The following ADAMTSL1 variants were observed in gnomAD, a reference collection of about 807,000 sequenced individuals.
ADAMTSL1 encodes ADAMTS like 1, also known as ADAMTS-like protein 1.
In ADAMTSL1, 126 loss-of-function variants were observed where a neutral mutation model predicts 201.8. The ratio of observed to expected loss-of-function variants is 0.62; its 90% confidence interval spans 0.54 to 0.72. The LOEUF is 0.72. Among genes scored for constraint, ADAMTSL1 ranks in the 30% least tolerant of loss-of-function variants. The pLI, the probability that ADAMTSL1 is intolerant of heterozygous loss-of-function variation, is 0.00. For synonymous variants in ADAMTSL1, 1,121 were observed against 903.4 expected (o/e 1.24, Z -4.32); for missense variants, 2,679 against 2,277.8 (o/e 1.18, Z -3.59).
At chr9:18,462,838 C>T (rs1398420600) in intron 2 of ADAMTSL1, among the ~76,000 whole-genome samples, 1 of 151,960 alleles carries the variant, frequency 6.6e-6, no homozygotes, top group Admixed American at 6.6e-5. Context: ...ACTCGGGAGG[C>T]TGAGGCAGGA....
At chr9:18,178,351 T>C (rs1457180357) in intron 2 of ADAMTSL1, among the ~76,000 whole-genome samples, 1 of 152,138 alleles carries the variant, frequency 6.6e-6, no homozygotes, top group Non-Finnish European at 1.5e-5. Context: ...GGAGATTATA[T>C]CCTGCACCTG....
intron 7 of ADAMTSL1, among the ~76,000 whole-genome samples, chr9:18,647,676 T>C (rs1416534943): frequency 6.6e-6 from 1 of 151,202 alleles, no homozygotes; most frequent in Non-Finnish European, 1.5e-5. Context: ...GGTTGTTCAG[T>C]TTCCATGTAG....
intron 1 of ADAMTSL1, among the ~76,000 whole-genome samples, chr9:18,495,965 T>A (rs1031584655): frequency 2.6e-5 from 4 of 152,228 alleles, no homozygotes; most frequent in Admixed American, 6.5e-5. Context: ...TTTCCAGGCA[T>A]TTCATCATTG....
At chr9:18,020,742 C>G (rs1351372406) in intron 1 of ADAMTSL1, among the ~76,000 whole-genome samples, 1 of 152,062 alleles carries the variant, frequency 6.6e-6, no homozygotes, top group East Asian at 1.9e-4. Flanking sequence ...GAACAGGCAT[C>G]AACTGACATA....
chr9:18,446,129 C>T (rs1820183164), intron 2 of ADAMTSL1, among the ~76,000 whole-genome samples: 1 of 152,080 alleles, frequency 6.6e-6, no homozygotes, highest in Non-Finnish European at 1.5e-5. Context: ...GTGCGATTAC[C>T]TCTAGCAGAA....
chr9:17,960,965 A>G (rs185725186), intron 1 of ADAMTSL1, among the ~76,000 whole-genome samples: 3 of 152,298 alleles, frequency 2.0e-5, no homozygotes, highest in Non-Finnish European at 2.9e-5. Flanking sequence ...TGCTAAGATT[A>G]TGTCATTTTA....
At chr9:18,733,375 C>T (rs1350954634) in intron 15 of ADAMTSL1, among the ~76,000 whole-genome samples, 1 of 152,104 alleles carries the variant, frequency 6.6e-6, no homozygotes, top group Non-Finnish European at 1.5e-5. Flanking sequence ...TTTCTCAGAG[C>T]AGAGCCCAAC....
intron 1 of ADAMTSL1, among the ~76,000 whole-genome samples, chr9:18,048,871 GT>G: frequency 6.6e-6 from 1 of 152,156 alleles, no homozygotes; most frequent in East Asian, 1.9e-4. Flanking sequence ...AAACTGGGTG[GT>G]TTAAAACAAC....
chr9:18,421,278 T>C (rs780954110), intron 2 of ADAMTSL1, among the ~76,000 whole-genome samples: 1 of 152,202 alleles, frequency 6.6e-6, no homozygotes, highest in Admixed American at 6.5e-5. Flanking sequence ...TGCATTTGAG[T>C]AACTCTGCAA....
At chr9:18,429,351 GA>G (rs1344607575) in intron 2 of ADAMTSL1, among the ~76,000 whole-genome samples, 1 of 151,960 alleles carries the variant, frequency 6.6e-6, no homozygotes, top group Non-Finnish European at 1.5e-5. Context: ...TGGTTAAGGG[GA>G]AAAAAAGAGA....
intron 2 of ADAMTSL1, among the ~76,000 whole-genome samples, chr9:18,312,748 T>C (rs1394690500): frequency 6.6e-6 from 1 of 152,192 alleles, no homozygotes; most frequent in Admixed American, 6.5e-5. Flanking sequence ...CTGACTGTCT[T>C]AAGGTCTTTG....
At chr9:18,800,881 C>A (rs142873212) in intron 20 of ADAMTSL1, among the ~76,000 whole-genome samples, 14 of 152,252 alleles carry the variant, frequency 9.2e-5, no homozygotes, top group African/African-American at 3.4e-4. Context: ...GTGGCAGAAC[C>A]ACTTCTGGCC....
chr9:18,580,304 A>T (rs928505236), intron 4 of ADAMTSL1, among the ~76,000 whole-genome samples: 1 of 152,148 alleles, frequency 6.6e-6, no homozygotes, highest in African/African-American at 2.4e-5. Context: ...AATTCTTTTC[A>T]TTTTTAATAA....
Position 18,087,921 on chromosome 9 carries a change from T to C in ADAMTSL1, c.88-75941T>C, listed in dbSNP as rs866660144. 7.2e-5 allele frequency among the ~76,000 whole-genome samples: 11 copies of C among 152,260 alleles called. No homozygotes were observed. In the South Asian group the frequency reaches 1.0e-3, roughly 14 times the overall value. On this transcript the variant is annotated intron_variant, in intron 1 of 29. Coordinates refer to the ADAMTSL1 transcript ENST00000680146. ...TCTCAGGAATTTCAATAAGCAACAA[T>C]TTGTCCACACCTGATATCTTTGGGC...
intron 2 of ADAMTSL1, among the ~76,000 whole-genome samples, chr9:18,244,839 C>T (rs1309619823): frequency 6.6e-6 from 1 of 152,150 alleles, no homozygotes; most frequent in Non-Finnish European, 1.5e-5. Flanking sequence ...ATTCCCCTTC[C>T]ACCCTACTGT....
chr9:18,616,792 G>C (rs950236215), intron 4 of ADAMTSL1, among the ~76,000 whole-genome samples: 2 of 151,970 alleles, frequency 1.3e-5, no homozygotes, highest in Admixed American at 1.3e-4. Context: ...ATTTGTTCTT[G>C]TGAATTTTAT....
rs1440483712 is a variant in ADAMTSL1, at chr9:18,310,399, A to AAAAAAAAAAAAC, written c.207+146418_207+146419insAAAAAAAAAAAC. Among the ~76,000 whole-genome samples the AAAAAAAAAAAAC allele has an allele frequency of 8.8e-4, 112 of 127,390 alleles. 7 individuals carry two copies. Among genetic ancestry groups the AAAAAAAAAAAAC allele is most frequent in the Middle Eastern group, 4.4e-3 (1 of 228 alleles). 83.6% of individuals were successfully genotyped at this position (127,390 alleles called of 152,430 possible). The stretch of plus-strand genomic sequence containing the variant: ...AAAAAAAAAAAAAAAAAAAAAAAAA[A>AAAAAAAAAAAAC]CTATCTTCAGAGTGAACAGGCAACC... On this transcript the variant is annotated intron_variant, in intron 2 of 29. Transcript: ENST00000680146.
chr9:18,396,852 C>T (rs1013063994), intron 2 of ADAMTSL1, among the ~76,000 whole-genome samples: 2 of 152,100 alleles, frequency 1.3e-5, no homozygotes, highest in South Asian at 4.1e-4. Context: ...GGCAACAGAA[C>T]AAGACCCTGT....
chr9:18,478,388 A>G (rs368796979), intron 1 of ADAMTSL1, among the ~76,000 whole-genome samples: 10 of 152,286 alleles, frequency 6.6e-5, no homozygotes, highest in Non-Finnish European at 7.4e-5. Context: ...ACTGGGTCCT[A>G]TGAATTTCTG....
Sources: allele counts gnomAD v4.1 joint callset (sites outside exome capture counted in the v4.1 genomes callset), GRCh38; gene constraint gnomAD v4.1.1; transcripts MANE v1.5; gene names NCBI Gene and HGNC (gene_info 2026-07-23, HGNC 2026-07-21).